Variants in HOMER2 observed in about 807,000 individuals in gnomAD.
The protein encoded by HOMER2 is homer protein homolog 2.
HOMER2 carries 27 observed loss-of-function variants against 47.0 expected under a neutral mutation model. That is an observed-to-expected ratio of 0.57 (90% CI 0.42 to 0.79). The LOEUF is 0.79. Among genes scored for constraint, HOMER2 ranks in the 30% least tolerant of loss-of-function variants. The probability of loss-of-function intolerance (pLI) is 0.00; values close to 1 mark genes in which losing one functional copy is unlikely to be tolerated. For synonymous variants in HOMER2, 161 were observed against 163.8 expected, an observed-to-expected ratio of 0.98 and a Z score of 0.13; for missense variants, 443 against 435.0, an observed-to-expected ratio of 1.02 and a Z score of -0.16.
At chr15:82,836,668 A>G (rs2051130754), downstream of HOMER2, among the ~76,000 whole-genome samples, 5 of 152,352 alleles carry the variant, frequency 3.3e-5, no homozygotes, top group South Asian at 1.0e-3. Context: ...AGCCAATCCT[A>G]TGGATTGTCC....
chr15:82,847,543 A>G (rs2051270050), downstream of HOMER2, among the ~76,000 whole-genome samples: 1 of 152,306 alleles, frequency 6.6e-6, no homozygotes, highest in East Asian at 1.9e-4. Flanking sequence ...CCCACTGTGG[A>G]AATGGCTCTT....
downstream of HOMER2, among the ~76,000 whole-genome samples, chr15:82,848,079 C>T (rs111523752): frequency 2.0e-5 from 3 of 152,342 alleles, no homozygotes; most frequent in Non-Finnish European, 4.4e-5. Context: ...TGCCTTGGTG[C>T]TCCAGATGCC....
Position 82,849,245 on chromosome 15 carries a change from G to C in HOMER2, c.*470C>G, listed in dbSNP as rs1456030953. 1 of 153,148 alleles carries C rather than the reference G, an allele frequency of 6.5e-6. No homozygotes were observed. Among genetic ancestry groups the C allele is most frequent in the Non-Finnish European group, 1.5e-5 (1 of 68,756 alleles). 9.5% of individuals were successfully genotyped at this position (153,148 alleles called of 1,614,324 possible). On this transcript the variant is annotated 3_prime_UTR_variant, in exon 9 of 9. Transcript: ENST00000450735. ...GTTTCCACTAAACAGTTGTTTTAAA[G>C]CCTCTCGATGTTGACAGAGAGGAAT...
intron 4 of HOMER2, among the ~76,000 whole-genome samples, chr15:82,863,926 C>A (rs1360777669): frequency 1.3e-5 from 2 of 152,210 alleles, no homozygotes; most frequent in Non-Finnish European, 2.9e-5. Context: ...GAATGTCTCT[C>A]CTGGGCCAGG....
chr15:82,951,353 A>T (rs1036032186), intron 1 of HOMER2, among the ~76,000 whole-genome samples: 1 of 151,676 alleles, frequency 6.6e-6, no homozygotes, highest in Admixed American at 6.6e-5. Flanking sequence ...CCCCTCACAC[A>T]CTCTGCAGCT....
chr15:82,837,006 A>C lies in HOMER2; in HGVS notation c.*10268T>G, dbSNP rs1328639992. Reference sequence around the variant, plus strand: ...TAGTCAGAAGTCTGACATGGGTCTCACTGGGCTAAAATCAAGGTGTTGACA... The same window carrying C: ...TAGTCAGAAGTCTGACATGGGTCTCCCTGGGCTAAAATCAAGGTGTTGACA... On this transcript the variant is annotated 3_prime_UTR_variant, in exon 2 of 2. Transcript: ENST00000558090. 2.6e-5 allele frequency: 4 copies of C among 152,254 alleles called. No individual in the cohort carries two copies. In the East Asian group the frequency reaches 7.7e-4, roughly 29 times the overall value. The allele number at this position is 152,254 out of a possible 1,614,324, so 9.4% of individuals were successfully genotyped here.
At chr15:82,893,319 A>G (rs1237139229) in intron 1 of HOMER2, among the ~76,000 whole-genome samples, 3 of 148,190 alleles carry the variant, frequency 2.0e-5, no homozygotes, top group African/African-American at 7.5e-5. Flanking sequence ...TATGAATGAC[A>G]TAATTTTATC....
intron 3 of HOMER2, among the ~76,000 whole-genome samples, chr15:82,868,375 G>A (rs2052046714): frequency 6.6e-6 from 1 of 151,148 alleles, no homozygotes; most frequent in Non-Finnish European, 1.5e-5. Flanking sequence ...GCTAAATGAT[G>A]AGAACACATG....
chr15:82,974,130 C>T (rs913193700), intron 1 of HOMER2, among the ~76,000 whole-genome samples: 6 of 151,890 alleles, frequency 4.0e-5, no homozygotes, highest in Admixed American at 1.3e-4. Context: ...ATCAGCCAGC[C>T]GTGGTAGCTC....
At chr15:82,852,606 G>A (rs147577335) in intron 6 of HOMER2, 10 of 218,744 alleles carry the variant, frequency 4.6e-5, no homozygotes, top group Middle Eastern at 1.7e-3. Flanking sequence ...CAAGGGCCAA[G>A]TGTCCCCTGA....
intron 1 of HOMER2, among the ~76,000 whole-genome samples, chr15:82,937,954 C>T (rs543352067): frequency 1.9e-4 from 29 of 152,354 alleles, no homozygotes; most frequent in Non-Finnish European, 3.7e-4. Flanking sequence ...GAAGGCTGTT[C>T]TCTAGTCAGT....
At chr15:82,852,620 G>T (rs753939496) in intron 6 of HOMER2, 1 of 195,098 alleles carries the variant, frequency 5.1e-6, no homozygotes, top group Non-Finnish European at 1.0e-5. Flanking sequence ...CCCCTGAATT[G>T]ATCTGCTTTT....
intron 1 of HOMER2, among the ~76,000 whole-genome samples, chr15:82,950,371 T>G (rs1213345654): frequency 6.6e-6 from 1 of 152,022 alleles, no homozygotes; most frequent in African/African-American, 2.4e-5. Context: ...GATAGTTTGT[T>G]TTTTTTTCCC....
chr15:82,952,434 C>A lies in HOMER2; in HGVS notation c.5+97G>T, dbSNP rs1044697432. 49 of 894,500 alleles carry A rather than the reference C, an allele frequency of 5.5e-5. 1 individual carries two copies. In the African/African-American group the frequency reaches 7.0e-4, roughly 13 times the overall value. 55.4% of individuals were successfully genotyped at this position (894,500 alleles called of 1,614,324 possible). On this transcript the variant is annotated intron_variant, in intron 1 of 8. Transcript: ENST00000450735. ...CGCTCCGGCTTGGGGAGGCGGGGGCCGGCCCGCCGGGAGGCTCCGAGCCCG... is the reference window on the plus strand; with the variant it reads ...CGCTCCGGCTTGGGGAGGCGGGGGCAGGCCCGCCGGGAGGCTCCGAGCCCG...
intron 1 of HOMER2, among the ~76,000 whole-genome samples, chr15:82,984,998 C>A (rs2030542130): frequency 6.6e-6 from 1 of 152,120 alleles, no homozygotes; most frequent in Admixed American, 6.5e-5. Flanking sequence ...ATATGATGGA[C>A]TCTCAATAGA....
At chr15:82,896,826 C>T (rs552162180) in intron 1 of HOMER2, among the ~76,000 whole-genome samples, 2 of 152,274 alleles carry the variant, frequency 1.3e-5, no homozygotes, top group East Asian at 1.9e-4. Flanking sequence ...TATTCTTCTA[C>T]AATCCAAAAA....
chr15:82,858,287 C>CTT, intron 5 of HOMER2, among the ~76,000 whole-genome samples: 1 of 148,322 alleles, frequency 6.7e-6, no homozygotes, highest in African/African-American at 2.5e-5. Flanking sequence ...GTTCAAAATT[C>CTT]TTTTTTTTTT....
At chr15:82,839,693 G>A (rs1330963813) in exon 2 of HOMER2, 1 of 152,064 alleles carries the variant, frequency 6.6e-6, no homozygotes, top group Non-Finnish European at 1.5e-5. Context: ...AAAAGAAACA[G>A]ACAGAAATAC....
chr15:82,852,568 C>T (rs1306955057), intron 6 of HOMER2: 5 of 271,772 alleles, frequency 1.8e-5, no homozygotes, highest in African/African-American at 6.7e-5. Flanking sequence ...GAAGTAGATT[C>T]AGATTTGCTT....
Sources: allele counts gnomAD v4.1 joint callset (sites outside exome capture counted in the v4.1 genomes callset), GRCh38; gene constraint gnomAD v4.1.1; transcripts MANE v1.5; gene names NCBI Gene and HGNC (gene_info 2026-07-23, HGNC 2026-07-21).